NTM: variants seen among roughly 807,000 people sequenced by gnomAD.
NTM encodes IgLON family member 2.
In NTM, 13 loss-of-function variants were observed where a neutral mutation model predicts 42.1. That is an observed-to-expected ratio of 0.31 (90% CI 0.20 to 0.49). The LOEUF (loss-of-function observed/expected upper bound fraction) is 0.49. NTM is among the 20% of genes least tolerant of loss of function. The pLI is 0.99. For synonymous variants in NTM, 187 were observed against 179.2 expected (o/e 1.04, Z -0.35); for missense variants, 373 against 452.8 (o/e 0.82, Z 1.60).
At chr11:131,925,916 G>T (rs1345676142) in intron 2 of NTM, among the ~76,000 whole-genome samples, 1 of 152,084 alleles carries the variant, frequency 6.6e-6, no homozygotes, top group Non-Finnish European at 1.5e-5. Flanking sequence ...TTGTTGCTTT[G>T]GTATGCTGCA....
At chr11:131,711,954 G>A (rs2077188067) in intron 1 of NTM, among the ~76,000 whole-genome samples, 1 of 135,782 alleles carries the variant, frequency 7.4e-6, no homozygotes, top group African/African-American at 2.7e-5. Flanking sequence ...GACACAGGAA[G>A]GGGAACATCA....
At chr11:131,553,704 G>A (rs2136933490) in intron 1 of NTM, among the ~76,000 whole-genome samples, 1 of 152,256 alleles carries the variant, frequency 6.6e-6, no homozygotes, top group South Asian at 2.1e-4. Context: ...TATTGGTGGT[G>A]TTTCTACTCT....
At chr11:131,749,619 A>G (rs969257048) in intron 1 of NTM, among the ~76,000 whole-genome samples, 2 of 152,066 alleles carry the variant, frequency 1.3e-5, no homozygotes, top group South Asian at 2.1e-4. Context: ...TTTGTTTGAC[A>G]TGGAATTTTG....
intron 1 of NTM, among the ~76,000 whole-genome samples, chr11:131,822,528 G>C (rs750379592): frequency 6.6e-6 from 1 of 152,178 alleles, no homozygotes; most frequent in Non-Finnish European, 1.5e-5. Flanking sequence ...CGCGTGTACA[G>C]AGGGAGCTTT....
At chr11:131,566,043 A>G (rs1232997249) in intron 1 of NTM, among the ~76,000 whole-genome samples, 1 of 152,192 alleles carries the variant, frequency 6.6e-6, no homozygotes, top group East Asian at 1.9e-4. Context: ...TGTGATGTCG[A>G]TATGAGATGA....
At chr11:132,104,079 C>T (rs937755340) in intron 2 of NTM, among the ~76,000 whole-genome samples, 1 of 152,118 alleles carries the variant, frequency 6.6e-6, no homozygotes, top group African/African-American at 2.4e-5. Context: ...CTGTGTTTTT[C>T]GTTGTTGTTG....
intron 4 of NTM, among the ~76,000 whole-genome samples, chr11:132,289,781 G>A (rs973861192): frequency 9.2e-5 from 14 of 152,206 alleles, no homozygotes; most frequent in African/African-American, 3.4e-4. Context: ...ACTGCTGCAA[G>A]ACTGCAGCGT....
At chr11:131,768,703 T>C (rs544202555) in intron 1 of NTM, among the ~76,000 whole-genome samples, 6 of 152,338 alleles carry the variant, frequency 3.9e-5, no homozygotes, top group Admixed American at 6.5e-5. Context: ...TATCTTGTTA[T>C]AGCAACATGA....
intron 1 of NTM, among the ~76,000 whole-genome samples, chr11:131,396,104 G>A (rs1483030638): frequency 6.6e-6 from 1 of 152,120 alleles, no homozygotes; most frequent in Non-Finnish European, 1.5e-5. Flanking sequence ...CTCCAGAAAA[G>A]CAGGTAAAAA....
In NTM at chr11:131,789,635, A is replaced by AGG. The variant is rs1491135129; in HGVS notation, c.83-121929_83-121928insGG. On this transcript the variant is annotated intron_variant, in intron 1 of 8. Transcript: ENST00000683400. Reference sequence around the variant, plus strand: ...GAAGAAGAAGAAGAAGAAGAAGAAGAAAAGAAGAAGAAGAAGAAGAAGAAG... The same window carrying AGG: ...GAAGAAGAAGAAGAAGAAGAAGAAGAGGAAAGAAGAAGAAGAAGAAGAAGAAG... 1.1e-4 allele frequency among the ~76,000 whole-genome samples: 4 copies of AGG among 37,938 alleles called. 1 individual carries two copies. The highest frequency in any genetic ancestry group is 1.8e-4 in the Non-Finnish European group (3 of 16,584). The allele number at this position is 37,938 out of a possible 152,430, so 24.9% of individuals were successfully genotyped here. A position where few individuals can be genotyped will look rare whatever the true frequency, so the allele number is the denominator to read the frequency against.
intron 1 of NTM, chr11:131,767,334 G>T (rs1041405805): frequency 1.3e-5 from 2 of 154,098 alleles, no homozygotes; most frequent in Non-Finnish European, 2.9e-5. Context: ...GAGGCAGGAG[G>T]ATTGCATGAG....
intron 1 of NTM, among the ~76,000 whole-genome samples, chr11:131,763,316 G>C (rs1266820047): frequency 6.6e-6 from 1 of 152,206 alleles, no homozygotes; most frequent in Non-Finnish European, 1.5e-5. Flanking sequence ...GGTGATGCAA[G>C]ATTGAGTGTC....
intron 1 of NTM, among the ~76,000 whole-genome samples, chr11:131,379,626 T>G (rs1462345325): frequency 6.6e-6 from 1 of 152,202 alleles, no homozygotes; most frequent in Non-Finnish European, 1.5e-5. Flanking sequence ...AAATAAAGTG[T>G]TTGAATACTG....
At chr11:131,837,445 C>T (rs1259858313) in intron 1 of NTM, among the ~76,000 whole-genome samples, 1 of 152,108 alleles carries the variant, frequency 6.6e-6, no homozygotes, top group Non-Finnish European at 1.5e-5. Context: ...AAGAAAGTAG[C>T]CTAGTTATTG....
chr11:131,736,116 A>G (rs921100986), intron 1 of NTM, among the ~76,000 whole-genome samples: 1 of 152,116 alleles, frequency 6.6e-6, no homozygotes, highest in Non-Finnish European at 1.5e-5. Flanking sequence ...TACAGGTGTG[A>G]GCCACCACAC....
chr11:131,517,012 A>T (rs900860940), intron 1 of NTM, among the ~76,000 whole-genome samples: 2 of 152,202 alleles, frequency 1.3e-5, no homozygotes, highest in Non-Finnish European at 2.9e-5. Flanking sequence ...GGGAAGGGTC[A>T]CCAATGGGAG....
chr11:131,749,334 C>T (rs936807040), intron 1 of NTM, among the ~76,000 whole-genome samples: 1 of 152,206 alleles, frequency 6.6e-6, no homozygotes, highest in African/African-American at 2.4e-5. Context: ...TATCCACTCC[C>T]AGGGCTGCTA....
intron 2 of NTM, among the ~76,000 whole-genome samples, chr11:132,126,494 A>T (rs2065859947): frequency 6.6e-6 from 1 of 152,300 alleles, no homozygotes; most frequent in South Asian, 2.1e-4. Flanking sequence ...CAAAGCTCTC[A>T]CCATGGCTGG....
chr11:132,174,386 G>A (rs995140452), intron 3 of NTM, among the ~76,000 whole-genome samples: 1 of 152,220 alleles, frequency 6.6e-6, no homozygotes, highest in South Asian at 2.1e-4. Context: ...GTACTTATGT[G>A]ATGCATTATT....
Sources: allele counts gnomAD v4.1 joint callset (sites outside exome capture counted in the v4.1 genomes callset), GRCh38; gene constraint gnomAD v4.1.1; transcripts MANE v1.5; gene names NCBI Gene and HGNC (gene_info 2026-07-23, HGNC 2026-07-21).